PCDHGA1: variants seen among roughly 807,000 people sequenced by gnomAD.
The protein encoded by PCDHGA1 is protocadherin gamma-A1.
PCDHGA1 carries 32 observed loss-of-function variants against 58.0 expected under a neutral mutation model. That is an observed-to-expected ratio of 0.55 (90% CI 0.42 to 0.74). The LOEUF (loss-of-function observed/expected upper bound fraction) is 0.74. PCDHGA1 is among the 30% of genes least tolerant of loss of function. The pLI, the probability that PCDHGA1 is intolerant of heterozygous loss-of-function variation, is 0.00. For synonymous variants in PCDHGA1, 498 were observed against 501.1 expected (o/e 0.99, Z 0.08); for missense variants, 1,205 against 1,182.3 (o/e 1.02, Z -0.28).
In PCDHGA1 at chr5:141,409,436, C is replaced by T. The variant is rs368696166; in HGVS notation, c.2421+76331C>T. Reference sequence around the variant, plus strand: ...ACTGGTGACAGATGGAGCCCTGGACCGAGAGCAGACACCAGAATACAATGT... The same window carrying T: ...ACTGGTGACAGATGGAGCCCTGGACTGAGAGCAGACACCAGAATACAATGT... On this transcript the variant is annotated intron_variant, in intron 1 of 3. Transcript: ENST00000517417. 6 of 1,613,864 alleles carry T rather than the reference C, an allele frequency of 3.7e-6. 1 individual carries two copies. The highest frequency in any genetic ancestry group is 5.1e-6 in the Non-Finnish European group (6 of 1,179,900).
rs775051431 is a variant in PCDHGA1, at chr5:141,376,309, C to T, written c.2421+43204C>T. 2.5e-6 allele frequency: 4 copies of T among 1,614,030 alleles called. No individual in the cohort carries two copies. The East Asian group carries it at 6.7e-5, about 27-fold the overall frequency. On this transcript the variant is annotated intron_variant, in intron 1 of 3. Transcript: ENST00000517417. Reference sequence around the variant, plus strand: ...GCATGCCCGGCTCGCACTTTGTGGGCGTGGAAGGGGTTCGGGCTTTCCTGC... The same window carrying T: ...GCATGCCCGGCTCGCACTTTGTGGGTGTGGAAGGGGTTCGGGCTTTCCTGC...
intron 1 of PCDHGA1, among the ~76,000 whole-genome samples, chr5:141,402,212 A>T (rs1282581389): frequency 6.6e-6 from 1 of 152,138 alleles, no homozygotes; most frequent in Non-Finnish European, 1.5e-5. Context: ...ACAAAAATTT[A>T]AAATAAACGT....
chr5:141,417,226 T>A (rs966071761), intron 1 of PCDHGA1: 4 of 152,134 alleles, frequency 2.6e-5, no homozygotes, highest in Admixed American at 1.3e-4. Flanking sequence ...GACAAAAAAA[T>A]TTGTTGCTTA....
At chr5:141,361,539 C>T (rs754978831) in intron 1 of PCDHGA1, 2 of 1,614,028 alleles carry the variant, frequency 1.2e-6, no homozygotes, top group South Asian at 1.1e-5. Context: ...ATCCTCCTGG[C>T]GCCTCTATCG....
chr5:141,355,215 T>C (rs759941889), intron 1 of PCDHGA1: 19 of 1,603,386 alleles, frequency 1.2e-5, no homozygotes, highest in Non-Finnish European at 1.5e-5. Context: ...CGGCGCCTCC[T>C]GCTCGCCCAG....
chr5:141,507,691 A>G (rs777728143), intron 3 of PCDHGA1, among the ~76,000 whole-genome samples: 72 of 152,198 alleles, frequency 4.7e-4, no homozygotes, highest in Non-Finnish European at 6.8e-4. Context: ...CAGAAATGAA[A>G]TCAGTATTTA....
intron 1 of PCDHGA1, chr5:141,410,847 G>GTTTTTT (rs773839667): frequency 6.3e-5 from 10 of 158,328 alleles, no homozygotes; most frequent in Admixed American, 1.8e-4. Flanking sequence ...TTTTGTCTTT[G>GTTTTTT]TCTTTTTTTT....
chr5:141,411,765 T>A (rs796485295), intron 1 of PCDHGA1: 1 of 152,418 alleles, frequency 6.6e-6, no homozygotes, highest in South Asian at 2.1e-4. Context: ...GCCTGTGGTC[T>A]CAGCTACTCT....
Position 141,505,229 on chromosome 5 carries a change from G to T in PCDHGA1, c.2481-164G>T, listed in dbSNP as rs116169437. 9.5e-4 allele frequency: 809 copies of T among 847,460 alleles called. 6 individuals carry two copies. In the African/African-American group the frequency reaches 0.013, roughly 13 times the overall value. 52.5% of individuals were successfully genotyped at this position (847,460 alleles called of 1,614,324 possible). ...TGAGGGACTGACTTGTGGGATTCTG[G>T]CTTCTGAAGGATTGTAGAAGTGCCT... On this transcript the variant is annotated intron_variant, in intron 2 of 3. Coordinates refer to ENST00000517417, the MANE Select transcript of PCDHGA1 (RefSeq NM_018912.3).
chr5:141,384,576 G>C (rs757254740), intron 1 of PCDHGA1: 3 of 1,614,178 alleles, frequency 1.9e-6, no homozygotes, highest in Admixed American at 1.7e-5. Flanking sequence ...ATGACAACCC[G>C]CCCGAGATCC....
At position 141,494,824 on chromosome 5, in the gene PCDHGA1, G is replaced by C; in HGVS notation, c.2439G>C (p.Thr813=). 6.2e-7 allele frequency: 1 copy of C among 1,614,042 alleles called. No individual in the cohort carries two copies. Among genetic ancestry groups the C allele is most frequent in the East Asian group, 2.2e-5 (1 of 44,866 alleles). The change falls in exon 2 of 4, where the codon ACG becomes ACC. Residue 813 remains threonine, a synonymous_variant. Transcript: ENST00000517417. The part of the protein sequence containing the change: ...EPFSQQAPPN[T]DWRFSQAQRP... ...CTCCACAGCAAGCCCCGCCCAACAC[G>C]GACTGGCGTTTCTCTCAGGCCCAGA...
At chr5:141,510,900 G>A in intron 3 of PCDHGA1, 47 bp from the exon 4 acceptor site, 6 of 1,613,378 alleles carry the variant, frequency 3.7e-6, no homozygotes, top group Non-Finnish European at 5.1e-6. Context: ...AGTGACTGTT[G>A]AGGACCCTAA....
intron 1 of PCDHGA1, chr5:141,340,003 C>T: frequency 6.2e-7 from 1 of 1,614,046 alleles, no homozygotes; most frequent in African/African-American, 1.3e-5. Context: ...ATGACAATGC[C>T]CCAGAATTTT....
intron 1 of PCDHGA1, chr5:141,345,462 C>A: frequency 1.2e-6 from 2 of 1,614,144 alleles, no homozygotes; most frequent in Non-Finnish European, 1.7e-6. Flanking sequence ...AGTGACAGCC[C>A]AGGACCCAGA....
chr5:141,428,857 A>C (rs2097165548), intron 1 of PCDHGA1: 1 of 140,386 alleles, frequency 7.1e-6, no homozygotes, highest in Non-Finnish European at 1.5e-5. Context: ...TTTTTACGGG[A>C]GACTTTTTTT....
At position 141,491,448 on chromosome 5, in the gene PCDHGA1, A is replaced by G; in HGVS notation, c.2422-3359A>G. ...GGCAGTGCTGCAGGCGCCAGGACTC[A>G]CCCTCCCCGGACTTCTATAAGCAGT... On this transcript the variant is annotated intron_variant, in intron 1 of 3. Coordinates refer to ENST00000517417, the MANE Select transcript of PCDHGA1 (RefSeq NM_018912.3). The surrounding 1 kb of genome is among the most constrained non-coding windows in gnomAD (Gnocchi z 6.9). The G allele has an allele frequency of 6.2e-7, 1 of 1,613,792 alleles. No homozygotes were observed. The highest frequency in any genetic ancestry group is 8.5e-7 in the Non-Finnish European group (1 of 1,179,986).
chr5:141,419,644 CG>C (rs1418985518), intron 1 of PCDHGA1: 2 of 1,612,396 alleles, frequency 1.2e-6, no homozygotes, highest in Non-Finnish European at 1.7e-6. Flanking sequence ...TGGCCGTGGA[CG>C]CGGACTCGGG....
chr5:141,362,282 G>A (rs750712376), intron 1 of PCDHGA1: 1 of 1,614,038 alleles, frequency 6.2e-7, no homozygotes, highest in Non-Finnish European at 8.5e-7. Context: ...CTGCGCCTGC[G>A]ACTCTCTTCC....
At chr5:141,414,670 A>G in intron 1 of PCDHGA1, 1 of 1,613,894 alleles carries the variant, frequency 6.2e-7, no homozygotes. Context: ...GGCTGAAGAC[A>G]CCATCCAGGG....
Sources: allele counts gnomAD v4.1 joint callset (sites outside exome capture counted in the v4.1 genomes callset), GRCh38; gene constraint gnomAD v4.1.1; non-coding constraint Gnocchi (gnomAD v3.1); transcripts MANE v1.5; gene names NCBI Gene and HGNC (gene_info 2026-07-23, HGNC 2026-07-21).